SCAND3: variants seen among roughly 807,000 people sequenced by gnomAD.
SCAND3 encodes SCAN domain containing 3, also known as SCAN domain-containing protein 3.
chr6:28,573,433 G>A, the SCAND3 span: 50 of 1,613,992 alleles, frequency 3.1e-5, no homozygotes, highest in Non-Finnish European at 3.8e-5. Context: ...AGCCCGCAAA[G>A]CACTAATGTT....
the SCAND3 span, chr6:28,573,645 AGC>A: frequency 6.2e-7 from 1 of 1,612,762 alleles, no homozygotes; most frequent in Non-Finnish European, 8.5e-7. Context: ...CATCAATTAC[AGC>A]TACAAAACCA....
At chr6:28,575,262 CT>C in the SCAND3 span, 1 of 1,614,034 alleles carries the variant, frequency 6.2e-7, no homozygotes, top group South Asian at 1.1e-5. The surrounding 1 kb of genome is among the most constrained non-coding windows in gnomAD (Gnocchi z 4.2). Flanking sequence ...AGAAAATCCT[CT>C]TTCGGATATC....
the SCAND3 span, chr6:28,573,330 C>T: frequency 1.9e-6 from 3 of 1,614,008 alleles, no homozygotes; most frequent in African/African-American, 2.7e-5. Flanking sequence ...CCAACATTTC[C>T]AAGCAAACTT....
chr6:28,606,438 C>T, the SCAND3 span, among the ~76,000 whole-genome samples: 11 of 152,094 alleles, frequency 7.2e-5, no homozygotes, highest in African/African-American at 2.7e-4. Flanking sequence ...TTTTTCATTG[C>T]TCCATGGTTT....
chr6:28,589,502 A>AT, the SCAND3 span: 3 of 152,006 alleles, frequency 2.0e-5, no homozygotes, highest in African/African-American at 7.3e-5. Context: ...ATGTGGGAAA[A>AT]ATTCGTTCCT....
the SCAND3 span, chr6:28,593,479 AG>A: frequency 1.3e-5 from 2 of 152,082 alleles, no homozygotes; most frequent in African/African-American, 4.8e-5. Context: ...GTTCAAGACC[AG>A]CCTGGCCACC....
At chr6:28,583,678 C>A in the SCAND3 span, among the ~76,000 whole-genome samples, 1 of 152,188 alleles carries the variant, frequency 6.6e-6, no homozygotes, top group Non-Finnish European at 1.5e-5. Flanking sequence ...AATCATGCTG[C>A]GTTCTGCATT....
chr6:28,586,856 A>G, the SCAND3 span: 1 of 677,796 alleles, frequency 1.5e-6, no homozygotes, highest in East Asian at 2.7e-5. The surrounding 1 kb of genome is among the most constrained non-coding windows in gnomAD (Gnocchi z 4.4). Flanking sequence ...ACAACTACAG[A>G]CTCAGTTTAA....
the SCAND3 span, among the ~76,000 whole-genome samples, chr6:28,580,381 G>A: frequency 6.6e-6 from 1 of 151,694 alleles, no homozygotes; most frequent in African/African-American, 2.4e-5. Context: ...TTGAACTCAG[G>A]AGGCAGAGGT....
the SCAND3 span, chr6:28,572,364 T>C: frequency 6.2e-7 from 1 of 1,610,058 alleles, no homozygotes; most frequent in Non-Finnish European, 8.5e-7. The surrounding 1 kb of genome is among the most constrained non-coding windows in gnomAD (Gnocchi z 4.1). Context: ...TGATAACTTT[T>C]CGCAGATGTG....
the SCAND3 span, among the ~76,000 whole-genome samples, chr6:28,584,165 C>G: frequency 6.6e-6 from 1 of 152,112 alleles, no homozygotes; most frequent in South Asian, 2.1e-4. Flanking sequence ...CAACCAATAT[C>G]TTGAATGTTT....
chr6:28,592,873 A>G, the SCAND3 span, among the ~76,000 whole-genome samples: 1 of 152,214 alleles, frequency 6.6e-6, no homozygotes, highest in Non-Finnish European at 1.5e-5. The surrounding 1 kb of genome is among the most constrained non-coding windows in gnomAD (Gnocchi z 4.1). Context: ...GAAGAAGAAT[A>G]AAATTAGACT....
chr6:28,571,875 T>A, the SCAND3 span: 1 of 1,597,386 alleles, frequency 6.3e-7, no homozygotes, highest in Non-Finnish European at 8.5e-7. Flanking sequence ...TATGCATACT[T>A]TGAACCAATA....
chr6:28,594,108 A>G, the SCAND3 span: 52 of 152,368 alleles, frequency 3.4e-4, no homozygotes, highest in African/African-American at 1.1e-3. Context: ...TGACAAGGCC[A>G]TGGAGAACAG....
chr6:28,572,988 T>G, the SCAND3 span: 58 of 1,613,646 alleles, frequency 3.6e-5, no homozygotes, highest in Non-Finnish European at 4.6e-5. This position sits in a 1 kb window ranked among gnomAD's most constrained non-coding sequence, Gnocchi z 4.1. Context: ...CAGAACATAC[T>G]CCTACACAAA....
the SCAND3 span, chr6:28,575,229 T>C: frequency 9.3e-6 from 15 of 1,614,036 alleles, no homozygotes; most frequent in Non-Finnish European, 1.3e-5. The surrounding 1 kb of genome is among the most constrained non-coding windows in gnomAD (Gnocchi z 4.2). Context: ...TCCAGTGTGA[T>C]GAGTTGTTAG....
At chr6:28,610,446 C>T in the SCAND3 span, among the ~76,000 whole-genome samples, 1 of 152,042 alleles carries the variant, frequency 6.6e-6, no homozygotes, top group African/African-American at 2.4e-5. Context: ...TTGCTTGAAC[C>T]TGGGAGGTGG....
At chr6:28,575,487 C>T in the SCAND3 span, 332,089 of 1,613,092 alleles carry the variant, frequency 0.21, 35,699 homozygotes, top group Non-Finnish European at 0.22. The surrounding 1 kb of genome is among the most constrained non-coding windows in gnomAD (Gnocchi z 4.2). Flanking sequence ...TTAATGACCG[C>T]AAAAAAGTTA....
At chr6:28,603,520 T>C in the SCAND3 span, among the ~76,000 whole-genome samples, 1 of 152,148 alleles carries the variant, frequency 6.6e-6, no homozygotes, top group Non-Finnish European at 1.5e-5. Context: ...GTAGTTATAG[T>C]TGTTTCTCTT....
Sources: allele counts gnomAD v4.1 joint callset (sites outside exome capture counted in the v4.1 genomes callset), GRCh38; gene constraint gnomAD v4.1.1; non-coding constraint Gnocchi (gnomAD v3.1); transcripts MANE v1.5; gene names NCBI Gene and HGNC (gene_info 2026-07-23, HGNC 2026-07-21).